Variants in TMEM17 observed in about 807,000 individuals in gnomAD.
The protein encoded by TMEM17 is transmembrane protein 17.
In TMEM17, 15 loss-of-function variants were observed where a neutral mutation model predicts 19.1. The observed-to-expected ratio is 0.78, with a 90% CI of 0.52 to 1.21. The LOEUF is 1.21. Ranked by LOEUF, TMEM17 falls within the 50% of genes most tolerant of loss-of-function variation. TMEM17 has a pLI of 0.00. For synonymous variants in TMEM17, 103 were observed against 86.9 expected, an observed-to-expected ratio of 1.19 and a Z score of -1.03; for missense variants, 245 against 242.3, an observed-to-expected ratio of 1.01 and a Z score of -0.07.
the TMEM17 span, among the ~76,000 whole-genome samples, chr2:62,489,333 A>G: frequency 2.6e-5 from 4 of 152,206 alleles, no homozygotes; most frequent in Non-Finnish European, 4.4e-5. Flanking sequence ...TACTGAAATC[A>G]TAAAAGTCTC....
At chr2:62,502,359 C>T in intron 3 of TMEM17, 78 bp downstream of exon 3, 2 of 957,182 alleles carry the variant, frequency 2.1e-6, no homozygotes, top group Non-Finnish European at 3.2e-6. Flanking sequence ...CTTTCTGCCA[C>T]ACCTCACTGC....
Position 62,501,404 on chromosome 2 carries a change from T to C in TMEM17, c.402A>G (p.Leu134=). 6.2e-7 allele frequency: 1 copy of C among 1,614,224 alleles called. No individual in the cohort carries two copies. Among genetic ancestry groups the C allele is most frequent in the Admixed American group, 1.7e-5 (1 of 60,022 alleles). The part of the protein sequence containing the change: ...LILFLLFNEG[L]TNLPLEKAIH... ...TCGCTTTTTCCAAGGGCAGATTTGT[T>C]AGGCCTTCATTAAAGAGCAAGAAAA... The change falls in exon 4 of 4, where the codon CTA becomes CTG. Residue 134 remains leucine (L), a synonymous_variant. Coordinates refer to ENST00000335390, the MANE Select transcript of TMEM17 (RefSeq NM_198276.3).
At chr2:62,488,026 G>A in the TMEM17 span, among the ~76,000 whole-genome samples, 1 of 152,214 alleles carries the variant, frequency 6.6e-6, no homozygotes, top group Non-Finnish European at 1.5e-5. Context: ...GTGGAACGGA[G>A]TTAAGCTATG....
chr2:62,488,522 A>G, the TMEM17 span, among the ~76,000 whole-genome samples: 3 of 151,344 alleles, frequency 2.0e-5, no homozygotes, highest in African/African-American at 7.3e-5. Context: ...TAGAGAACCT[A>G]TGATACTTAG....
chr2:62,499,226 A>G (rs114401479), downstream of TMEM17, among the ~76,000 whole-genome samples: 101 of 152,280 alleles, frequency 6.6e-4, no homozygotes, highest in African/African-American at 2.3e-3. Flanking sequence ...ACATTTTGTT[A>G]TTAATCTCTT....
the TMEM17 span, among the ~76,000 whole-genome samples, chr2:62,473,229 A>C: frequency 1.3e-5 from 2 of 152,216 alleles, no homozygotes; most frequent in Non-Finnish European, 2.9e-5. Context: ...TGAAGTAGGT[A>C]CTATTATTAA....
the TMEM17 span, among the ~76,000 whole-genome samples, chr2:62,475,464 C>T: frequency 8.5e-5 from 13 of 152,248 alleles, no homozygotes; most frequent in East Asian, 1.9e-4. Context: ...CAACAAGTCA[C>T]GCCTGGGCTG....
chr2:62,506,184 C>G lies in TMEM17; in HGVS notation c.-55G>C, dbSNP rs1680074820. On this transcript the variant is annotated 5_prime_UTR_variant, in exon 1 of 4. Transcript: ENST00000335390. ...AGACACGGGCTAGTCTGCGGGCGCT[C>G]CGAGGCTCCGTGGTTCCCACGGCAA... is the stretch of plus-strand genomic sequence containing the variant. 1.3e-6 allele frequency: 2 copies of G among 1,482,876 alleles called. No individual in the cohort carries two copies. Among genetic ancestry groups the G allele is most frequent in the East Asian group, 5.4e-5 (2 of 37,254 alleles). 91.9% of individuals were successfully genotyped at this position (1,482,876 alleles called of 1,614,324 possible).
chr2:62,475,143 G>T, the TMEM17 span, among the ~76,000 whole-genome samples: 11 of 152,220 alleles, frequency 7.2e-5, no homozygotes, highest in Non-Finnish European at 1.6e-4. Context: ...CAGCAGGAAG[G>T]GGGCTGCCCA....
At chr2:62,497,787 T>C (rs540313513), downstream of TMEM17, among the ~76,000 whole-genome samples, 2 of 152,336 alleles carry the variant, frequency 1.3e-5, no homozygotes, top group African/African-American at 4.8e-5. Flanking sequence ...GGTGTTGATG[T>C]AGGGTTAATG....
chr2:62,490,204 C>T, the TMEM17 span, among the ~76,000 whole-genome samples: 1 of 152,024 alleles, frequency 6.6e-6, no homozygotes, highest in African/African-American at 2.4e-5. Flanking sequence ...CAATGAGTTC[C>T]TTATTATTTC....
the TMEM17 span, among the ~76,000 whole-genome samples, chr2:62,464,566 T>C: frequency 1.3e-5 from 2 of 152,228 alleles, no homozygotes; most frequent in African/African-American, 2.4e-5. Flanking sequence ...AACCTCCATC[T>C]AACTGTAACT....
At chr2:62,497,527 C>T (rs1282725253), downstream of TMEM17, among the ~76,000 whole-genome samples, 1 of 149,822 alleles carries the variant, frequency 6.7e-6, no homozygotes, top group Non-Finnish European at 1.5e-5. Context: ...AACTTAATAC[C>T]CACTCATTCT....
At chr2:62,480,283 G>A in the TMEM17 span, among the ~76,000 whole-genome samples, 1 of 151,726 alleles carries the variant, frequency 6.6e-6, no homozygotes, top group African/African-American at 2.4e-5. Context: ...TTTCCGTTGA[G>A]ATATTTGAGT....
chr2:62,489,313 G>C, the TMEM17 span, among the ~76,000 whole-genome samples: 2 of 152,314 alleles, frequency 1.3e-5, no homozygotes, highest in South Asian at 4.1e-4. Context: ...GTCGGAGGTG[G>C]AGTTCTTTCT....
chr2:62,498,756 T>C (rs1195398485), downstream of TMEM17, among the ~76,000 whole-genome samples: 2 of 151,550 alleles, frequency 1.3e-5, no homozygotes, highest in African/African-American at 2.4e-5. Flanking sequence ...TAAAATAATT[T>C]TGATTTATAC....
downstream of TMEM17, among the ~76,000 whole-genome samples, chr2:62,499,006 G>C (rs760021357): frequency 6.6e-6 from 1 of 152,072 alleles, no homozygotes; most frequent in African/African-American, 2.4e-5. Flanking sequence ...TATTGGTTCA[G>C]CCTAACACAA....
the TMEM17 span, among the ~76,000 whole-genome samples, chr2:62,462,720 A>T: frequency 6.6e-6 from 1 of 152,144 alleles, no homozygotes; most frequent in East Asian, 1.9e-4. Context: ...CCTACTTTGC[A>T]CTTGAGGGTC....
At chr2:62,458,073 G>A in the TMEM17 span, among the ~76,000 whole-genome samples, 1 of 152,210 alleles carries the variant, frequency 6.6e-6, no homozygotes, top group African/African-American at 2.4e-5. Context: ...TGTTAAATGC[G>A]GAGGCTAATG....
Sources: gnomAD v4.1 joint callset for allele counts (sites outside exome capture counted in the v4.1 genomes callset) on GRCh38, gnomAD v4.1.1 for gene constraint, MANE v1.5 for transcripts, NCBI Gene and HGNC (gene_info 2026-07-23, HGNC 2026-07-21) for gene names.